Variants in STIM1 observed in about 807,000 individuals in gnomAD.
STIM1 encodes the protein stromal interaction molecule 1.
Under a neutral mutation model 74.7 loss-of-function variants are expected in STIM1, and 25 were observed. That is an observed-to-expected ratio of 0.33 (90% CI 0.24 to 0.47). STIM1 has a LOEUF of 0.47. STIM1 is among the 20% of genes least tolerant of loss of function. The pLI is 1.00. For missense variants in STIM1, 728 were observed against 920.8 expected, an observed-to-expected ratio of 0.79 and a Z score of 2.71; for synonymous variants, 328 against 348.8, an observed-to-expected ratio of 0.94 and a Z score of 0.66.
chr11:3,894,260 T>G (rs1392066431), intron 1 of STIM1, among the ~76,000 whole-genome samples: 1 of 152,206 alleles, frequency 6.6e-6, no homozygotes, highest in African/African-American at 2.4e-5. Context: ...ATTTGTTGTT[T>G]TTGGCTTACA....
intron 3 of STIM1, among the ~76,000 whole-genome samples, chr11:4,032,513 G>A (rs187541161): frequency 2.6e-5 from 4 of 152,200 alleles, no homozygotes; most frequent in Admixed American, 2.6e-4. Context: ...TATTTTGGCT[G>A]TTTCAGGTCC....
intron 3 of STIM1, among the ~76,000 whole-genome samples, chr11:4,042,712 C>A (rs2094157541): frequency 6.6e-6 from 1 of 152,186 alleles, no homozygotes; most frequent in Non-Finnish European, 1.5e-5. Flanking sequence ...TGCTTCACAT[C>A]TTATAGCTCT....
At chr11:3,952,632 A>G (rs1053324395) in intron 1 of STIM1, among the ~76,000 whole-genome samples, 1 of 152,190 alleles carries the variant, frequency 6.6e-6, no homozygotes, top group South Asian at 2.1e-4. Context: ...GGATTGGGGA[A>G]AAAGGGGATC....
Position 3,856,093 on chromosome 11 carries a change from A to G in STIM1, c.-178A>G, listed in dbSNP as rs1476292221. 1.3e-6 allele frequency: 1 copy of G among 751,372 alleles called. No individual in the cohort carries two copies. The highest frequency in any genetic ancestry group is 2.3e-5 in the Admixed American group (1 of 42,720). 46.5% of individuals were successfully genotyped at this position (751,372 alleles called of 1,614,324 possible). On this transcript the variant is annotated 5_prime_UTR_variant, in exon 1 of 13. Transcript: ENST00000526596. ...GGAGCCAGCCCTCCTCCCGCACCCA[A>G]ACTTGGAGCACTTGACCTTTGGCTG...
chr11:3,947,558 A>G (rs2093093786), intron 1 of STIM1: 2 of 152,134 alleles, frequency 1.3e-5, no homozygotes, highest in Admixed American at 1.3e-4. Context: ...ACTCCATCCT[A>G]CAAGAGACAC....
intron 1 of STIM1, among the ~76,000 whole-genome samples, chr11:3,862,981 C>T (rs1010668275): frequency 1.3e-5 from 2 of 152,096 alleles, no homozygotes; most frequent in Admixed American, 1.3e-4. Context: ...CAAACTCCAC[C>T]TCCTGGGTTT....
chr11:4,083,085 G>T, intron 9 of STIM1, 103 bp downstream of exon 9: 1 of 1,198,208 alleles, frequency 8.3e-7, no homozygotes, highest in Non-Finnish European at 1.2e-6. Flanking sequence ...ATTGGTGGAG[G>T]GACAGCTCTG....
rs536026371 is a variant in STIM1, at chr11:3,923,943, T to A, written c.140-43609T>A. Among the ~76,000 whole-genome samples the A allele has an allele frequency of 5.3e-5, 8 of 152,216 alleles. No homozygotes were observed. In the South Asian group the frequency reaches 1.7e-3, roughly 32 times the overall value. On this transcript the variant is annotated intron_variant, in intron 1 of 12. Transcript: ENST00000526596. ...CTATAGATTGGGAGAACTGACAAACTATATGTAGTCTTTCAACTCATGAAC... is the reference window on the plus strand; with the variant it reads ...CTATAGATTGGGAGAACTGACAAACAATATGTAGTCTTTCAACTCATGAAC...
intron 2 of STIM1, among the ~76,000 whole-genome samples, chr11:4,004,535 G>T (rs1328593752): frequency 6.6e-6 from 1 of 151,016 alleles, no homozygotes; most frequent in South Asian, 2.1e-4. Flanking sequence ...CTAGCCATAT[G>T]TAGAAAGCTG....
chr11:3,913,233 G>C (rs1400757363), intron 1 of STIM1, among the ~76,000 whole-genome samples: 1 of 151,794 alleles, frequency 6.6e-6, no homozygotes, highest in Non-Finnish European at 1.5e-5. Context: ...TGTCGCCCAG[G>C]CTGCAATGCA....
chr11:3,867,777 A>G (rs2090913404), intron 1 of STIM1, among the ~76,000 whole-genome samples: 1 of 152,226 alleles, frequency 6.6e-6, no homozygotes. Flanking sequence ...TCGGTTGGCC[A>G]TATACACAGA....
Position 3,856,401 on chromosome 11 carries a change from C to T in STIM1, c.131C>T (p.Thr44Ile). 1 of 1,614,042 alleles carries T rather than the reference C, an allele frequency of 6.2e-7. No individual in the cohort carries two copies. The highest frequency in any genetic ancestry group is 1.1e-5 in the South Asian group (1 of 91,090). ...TCGGGGGCCAACTCTGAGGAGTCCA[C>T]TGCAGCAGGTAAGGCCTTGCTGCGG... ...TSSGANSEES[T>I]AAEFCRIDKP... The change falls in exon 1 of 13, where the codon ACT (threonine) becomes ATT (isoleucine). Residue 44 changes from threonine to isoleucine, a missense_variant. By Grantham distance (89) the Thr-to-Ile change is moderately conservative. Coordinates refer to ENST00000526596, the MANE Select transcript of STIM1 (RefSeq NM_001382567.1).
At chr11:4,004,739 A>G (rs1308390342) in intron 2 of STIM1, among the ~76,000 whole-genome samples, 5 of 151,904 alleles carry the variant, frequency 3.3e-5, no homozygotes, top group Non-Finnish European at 5.9e-5. Context: ...GACAAATGGG[A>G]TCTAATTAAA....
At chr11:3,943,065 A>C (rs566296970) in intron 1 of STIM1, among the ~76,000 whole-genome samples, 1 of 152,336 alleles carries the variant, frequency 6.6e-6, no homozygotes, top group South Asian at 2.1e-4. Flanking sequence ...CTCTTCTGCT[A>C]GGAGCCTGGG....
intron 7 of STIM1, among the ~76,000 whole-genome samples, chr11:4,075,227 A>G (rs2094431265): frequency 6.6e-6 from 1 of 152,216 alleles, no homozygotes; most frequent in Non-Finnish European, 1.5e-5. Flanking sequence ...ATAATAGGTG[A>G]TAACAGTTAT....
At chr11:3,878,145 C>T (rs1025103398) in intron 1 of STIM1, among the ~76,000 whole-genome samples, 3 of 151,946 alleles carry the variant, frequency 2.0e-5, no homozygotes, top group South Asian at 2.1e-4. Flanking sequence ...TGCCCTCCTT[C>T]GGGAGCTGAG....
At chr11:4,002,245 C>A (rs1312440892) in intron 2 of STIM1, among the ~76,000 whole-genome samples, 4 of 151,714 alleles carry the variant, frequency 2.6e-5, no homozygotes, top group Non-Finnish European at 4.4e-5. Flanking sequence ...ACCTAATAGA[C>A]ATCTACAGAA....
At chr11:4,043,435 G>A (rs1312565098) in intron 3 of STIM1, among the ~76,000 whole-genome samples, 2 of 152,082 alleles carry the variant, frequency 1.3e-5, no homozygotes, top group African/African-American at 4.8e-5. Flanking sequence ...ACCTCCGTAA[G>A]TAGTCTGTGG....
At chr11:3,999,393 G>C (rs1379836446) in intron 2 of STIM1, among the ~76,000 whole-genome samples, 8 of 152,320 alleles carry the variant, frequency 5.3e-5, no homozygotes, top group African/African-American at 1.7e-4. Flanking sequence ...CCAATATCTG[G>C]TGTGTAAGGT....
Sources: gnomAD v4.1 joint callset for allele counts (sites outside exome capture counted in the v4.1 genomes callset) on GRCh38, gnomAD v4.1.1 for gene constraint, MANE v1.5 for transcripts, NCBI Gene and HGNC (gene_info 2026-07-23, HGNC 2026-07-21) for gene names.